The following TBC1D5 variants were observed in gnomAD, a reference collection of about 807,000 sequenced individuals.
TBC1D5 encodes TBC1 domain family, member 5.
In TBC1D5, 75 loss-of-function variants were observed where a neutral mutation model predicts 100.3. That is an observed-to-expected ratio of 0.75 (90% confidence interval 0.62 to 0.91). The LOEUF (loss-of-function observed/expected upper bound fraction) is 0.91, where lower values mean the gene tolerates loss of function less well. Ranked by LOEUF, TBC1D5 falls within the 40% of genes least tolerant of loss-of-function variation. TBC1D5 has a pLI of 0.00. For synonymous variants in TBC1D5, 323 were observed against 325.6 expected (o/e 0.99, Z 0.09); for missense variants, 910 against 942.4 (o/e 0.97, Z 0.45).
intron 13 of TBC1D5, among the ~76,000 whole-genome samples, chr3:17,337,953 A>T (rs1006062215): frequency 1.3e-5 from 2 of 152,182 alleles, no homozygotes; most frequent in African/African-American, 2.4e-5. Flanking sequence ...GAAATAATTG[A>T]ATTTTCTTGC....
At chr3:17,575,578 A>G (rs1170894366) in intron 2 of TBC1D5, among the ~76,000 whole-genome samples, 1 of 152,132 alleles carries the variant, frequency 6.6e-6, no homozygotes, top group African/African-American at 2.4e-5. Flanking sequence ...AAGGAAAGGG[A>G]TGGCTGAAAA....
chr3:17,447,743 T>C (rs1045707345), intron 3 of TBC1D5, among the ~76,000 whole-genome samples: 1 of 152,260 alleles, frequency 6.6e-6, no homozygotes, highest in African/African-American at 2.4e-5. Flanking sequence ...CAGTCATTGA[T>C]ATATACATCC....
At chr3:17,732,843 T>C (rs751089790) in intron 1 of TBC1D5, among the ~76,000 whole-genome samples, 21 of 152,206 alleles carry the variant, frequency 1.4e-4, no homozygotes, top group Non-Finnish European at 3.1e-4. Context: ...TTTCATGTTA[T>C]AAGGACACTC....
chr3:17,529,545 A>G (rs2096189125), intron 2 of TBC1D5, among the ~76,000 whole-genome samples: 1 of 152,136 alleles, frequency 6.6e-6, no homozygotes, highest in South Asian at 2.1e-4. Context: ...TTACATATAT[A>G]CATATATGTG....
chr3:17,664,014 G>T (rs1330891538), intron 1 of TBC1D5, among the ~76,000 whole-genome samples: 3 of 152,052 alleles, frequency 2.0e-5, no homozygotes. Context: ...CGAATAAATG[G>T]AAAAATGCAT....
At chr3:17,286,121 T>C (rs1231632847) in intron 15 of TBC1D5, among the ~76,000 whole-genome samples, 1 of 152,198 alleles carries the variant, frequency 6.6e-6, no homozygotes, top group Non-Finnish European at 1.5e-5. Flanking sequence ...TCATTTATAA[T>C]AAGTCTTTAT....
intron 2 of TBC1D5, among the ~76,000 whole-genome samples, chr3:17,591,040 T>A (rs1332412323): frequency 6.6e-6 from 1 of 151,512 alleles, no homozygotes; most frequent in South Asian, 2.1e-4. Flanking sequence ...GAGACAGCCA[T>A]CCTGGCTAAC....
At chr3:17,285,528 G>A (rs1251212636) in intron 15 of TBC1D5, among the ~76,000 whole-genome samples, 1 of 151,906 alleles carries the variant, frequency 6.6e-6, no homozygotes, top group African/African-American at 2.4e-5. Flanking sequence ...CCAAAGTGCT[G>A]GGATTACAGG....
chr3:17,357,623 G>C (rs989762960), intron 13 of TBC1D5, among the ~76,000 whole-genome samples: 22 of 152,174 alleles, frequency 1.4e-4, no homozygotes, highest in Non-Finnish European at 3.1e-4. Flanking sequence ...TTTTCAGTTT[G>C]AGAAAGTGAC....
intron 2 of TBC1D5, among the ~76,000 whole-genome samples, chr3:17,611,261 C>G (rs1478556274): frequency 6.6e-6 from 1 of 152,026 alleles, no homozygotes; most frequent in Non-Finnish European, 1.5e-5. Flanking sequence ...AGAATATGGG[C>G]AGACATAAAT....
At chr3:17,469,357 TTTTAC>T in intron 3 of TBC1D5, among the ~76,000 whole-genome samples, 1 of 152,312 alleles carries the variant, frequency 6.6e-6, no homozygotes, top group Non-Finnish European at 1.5e-5. Flanking sequence ...CCATACATCA[TTTTAC>T]AATGTAAAAA....
intron 2 of TBC1D5, among the ~76,000 whole-genome samples, chr3:17,612,208 G>C (rs527374595): frequency 2.7e-5 from 4 of 150,662 alleles, no homozygotes; most frequent in African/African-American, 9.8e-5. Context: ...GCTGAGGTGG[G>C]AGAATCACTT....
chr3:17,663,987 A>C (rs1480399031), intron 1 of TBC1D5, among the ~76,000 whole-genome samples: 2 of 152,218 alleles, frequency 1.3e-5, no homozygotes, highest in African/African-American at 4.8e-5. Context: ...CCATTCTTAC[A>C]ACAACCCAAC....
intron 1 of TBC1D5, among the ~76,000 whole-genome samples, chr3:17,695,857 T>C (rs1327229463): frequency 6.6e-6 from 1 of 152,162 alleles, no homozygotes; most frequent in Admixed American, 6.6e-5. Context: ...AGTAAAGCAC[T>C]CCTCAGCAAA....
intron 2 of TBC1D5, among the ~76,000 whole-genome samples, chr3:17,549,199 G>A (rs565294286): frequency 1.3e-5 from 2 of 152,316 alleles, no homozygotes; most frequent in South Asian, 4.1e-4. Context: ...TACTTGGGAG[G>A]CTGAGGCAAC....
intron 3 of TBC1D5, among the ~76,000 whole-genome samples, chr3:17,446,781 C>A (rs978723498): frequency 1.3e-5 from 2 of 152,046 alleles, no homozygotes; most frequent in African/African-American, 4.8e-5. Context: ...ACCATCCTGG[C>A]GAACACGGTG....
chr3:17,269,990 T>C (rs900832313), intron 15 of TBC1D5, among the ~76,000 whole-genome samples: 47 of 152,178 alleles, frequency 3.1e-4, no homozygotes, highest in Non-Finnish European at 7.4e-5. Context: ...GAATGATATA[T>C]TTTCCTTTGG....
chr3:17,346,080 A>G (rs1421942696), intron 13 of TBC1D5, among the ~76,000 whole-genome samples: 4 of 152,192 alleles, frequency 2.6e-5, no homozygotes, highest in Admixed American at 2.6e-4. Flanking sequence ...AATAATAATA[A>G]AAGAATTTTT....
At chr3:17,677,024 T>C (rs1327056516) in intron 1 of TBC1D5, among the ~76,000 whole-genome samples, 1 of 152,122 alleles carries the variant, frequency 6.6e-6, no homozygotes, top group African/African-American at 2.4e-5. Flanking sequence ...AAGACTTAAA[T>C]GTTAGACCTA....
Sources: allele counts gnomAD v4.1 joint callset (sites outside exome capture counted in the v4.1 genomes callset), GRCh38; gene constraint gnomAD v4.1.1; transcripts MANE v1.5; gene names NCBI Gene and HGNC (gene_info 2026-07-23, HGNC 2026-07-21).